The following SLC26A9 variants were observed in gnomAD, a reference collection of about 807,000 sequenced individuals.
The protein encoded by SLC26A9 is solute carrier family 26 member 9, also known as anion transporter/exchanger protein 9.
A neutral mutation model predicts 87.1 loss-of-function variants in SLC26A9; 46 were observed. The observed-to-expected ratio is 0.53, with a 90% CI of 0.42 to 0.67. The LOEUF is 0.67. Among genes scored for constraint, SLC26A9 ranks in the 30% least tolerant of loss-of-function variants. The pLI is 0.00. For missense variants in SLC26A9, 927 were observed against 1,018.3 expected, an observed-to-expected ratio of 0.91 and a Z score of 1.22; for synonymous variants, 437 against 409.1, an observed-to-expected ratio of 1.07 and a Z score of -0.82.
chr1:205,915,718 G>A (rs1658566344), intron 20 of SLC26A9, among the ~76,000 whole-genome samples: 1 of 152,146 alleles, frequency 6.6e-6, no homozygotes, highest in Non-Finnish European at 1.5e-5. Flanking sequence ...TGGGTAAAAT[G>A]AGGGTTGGCA....
chr1:205,926,650 C>T lies in SLC26A9; in HGVS notation c.1294-20G>A, dbSNP rs79133183. 6,839 of 1,607,036 alleles carry T rather than the reference C, an allele frequency of 4.3e-3. 239 individuals carry two copies. The African/African-American group carries it at 0.08, about 19-fold the overall frequency. On this transcript the variant is annotated intron_variant, in intron 11 of 20. Coordinates refer to ENST00000367135, the MANE Select transcript of SLC26A9 (RefSeq NM_052934.4). ...CACAGACTAGAGAAGCAGAACATTGCTCCAGGACCCCAGGGTCTCCCCTTC... is the reference window on the plus strand; with the variant it reads ...CACAGACTAGAGAAGCAGAACATTGTTCCAGGACCCCAGGGTCTCCCCTTC...
At chr1:205,932,913 C>G in intron 3 of SLC26A9, 32 bp downstream of exon 3, 5 of 1,612,318 alleles carry the variant, frequency 3.1e-6, no homozygotes, top group Non-Finnish European at 4.2e-6. Context: ...AGGGGAGTGG[C>G]AATCCAGGCC....
Position 205,927,933 on chromosome 1 carries a change from T to C in SLC26A9, c.1070A>G (p.Asn357Ser), listed in dbSNP as rs1659148302. 6.2e-7 allele frequency: 1 copy of C among 1,614,176 alleles called. No individual in the cohort carries two copies. Reference protein sequence around the residue: ...INLAMGRTLANKHGYDVDSNQ... With the variant: ...INLAMGRTLASKHGYDVDSNQ... ...CGAATCCACGTCGTAGCCGTGCTTG[T>C]TGGCCAGGGTCCGGCCCATAGCCAG... Residue 357 changes from asparagine (N) to serine (S), a missense_variant, in exon 9 of 21, where the codon AAC becomes AGC. Physicochemically the swap from Asn to Ser is conservative, Grantham distance 46. Coordinates refer to ENST00000367135, the MANE Select transcript of SLC26A9 (RefSeq NM_052934.4).
At chr1:205,928,951 G>C (rs1659192738) in intron 7 of SLC26A9, 42 bp from the exon 8 acceptor site, 1 of 1,600,486 alleles carries the variant, frequency 6.2e-7, no homozygotes, top group Admixed American at 1.7e-5. Context: ...GCCCTAAGGT[G>C]GGGCCAGGGC....
At chr1:205,926,689 G>T in intron 11 of SLC26A9, 59 bp from the exon 12 acceptor site, 1 of 1,410,928 alleles carries the variant, frequency 7.1e-7, no homozygotes, top group Non-Finnish European at 1.0e-6. Flanking sequence ...TTGCCCTCCT[G>T]CGCATACCCG....
chr1:205,924,504 A>T lies in SLC26A9; in HGVS notation c.1390-15T>A. The T allele has an allele frequency of 6.2e-7, 1 of 1,613,192 alleles. No individual in the cohort carries two copies. The highest frequency in any genetic ancestry group is 8.5e-7 in the Non-Finnish European group (1 of 1,179,336). On this transcript the variant is annotated splice_polypyrimidine_tract_variant and intron_variant, in intron 12 of 20. Transcript: ENST00000367135. The stretch of plus-strand genomic sequence containing the variant: ...ACCCAGATGCACTGTGAAAAGAGAG[A>T]TGTCAAAAGCAGACCTGGGGAAAAA...
At chr1:205,920,648 C>T (rs1041776016) in intron 17 of SLC26A9, among the ~76,000 whole-genome samples, 10 of 152,162 alleles carry the variant, frequency 6.6e-5, no homozygotes, top group African/African-American at 2.4e-4. Flanking sequence ...TACAGGGGCC[C>T]GTCACCACAC....
At chr1:205,927,375 A>T in intron 10 of SLC26A9, 87 bp from the exon 11 acceptor site, 1 of 1,567,384 alleles carries the variant, frequency 6.4e-7, no homozygotes, top group Non-Finnish European at 8.8e-7. Context: ...GGTGGAGTGG[A>T]GACTAAGACG....
At chr1:205,932,188 T>C (rs1659335834) in intron 4 of SLC26A9, among the ~76,000 whole-genome samples, 153 bp from the exon 5 acceptor site, 1 of 152,264 alleles carries the variant, frequency 6.6e-6, no homozygotes, top group African/African-American at 2.4e-5. Flanking sequence ...CCACTCACTC[T>C]AACCATGATC....
chr1:205,933,276 G>A (rs1456877720), intron 2 of SLC26A9, among the ~76,000 whole-genome samples, 192 bp from the exon 3 acceptor site: 1 of 152,240 alleles, frequency 6.6e-6, no homozygotes, highest in Non-Finnish European at 1.5e-5. Flanking sequence ...CTGGGCATTA[G>A]CTGGAGGTCT....
At position 205,943,169 on chromosome 1, in the gene SLC26A9, G is replaced by A. The variant is rs143426751; in HGVS notation, c.-19+196C>T. Among the ~76,000 whole-genome samples, 698 of 152,310 alleles carry A rather than the reference G, an allele frequency of 4.6e-3. 11 individuals are homozygous for A. The highest frequency in any genetic ancestry group is 0.016 in the African/African-American group (668 of 41,564). On this transcript the variant is annotated intron_variant, in intron 1 of 20. Coordinates refer to ENST00000367135, the MANE Select transcript of SLC26A9 (RefSeq NM_052934.4). ...TTGCAGCCCAGGTCCTTACATAGAC[G>A]TGAAGACCCAAAGGGCTCCTCAGAG...
intron 1 of SLC26A9, among the ~76,000 whole-genome samples, chr1:205,942,254 G>A (rs959272948): frequency 2.6e-5 from 4 of 152,248 alleles, no homozygotes; most frequent in Non-Finnish European, 5.9e-5. Flanking sequence ...GCCTGGGAAG[G>A]CCTTCCTGGC....
chr1:205,933,581 G>T (rs1392924391), intron 2 of SLC26A9, among the ~76,000 whole-genome samples: 8 of 152,170 alleles, frequency 5.3e-5, no homozygotes, highest in Admixed American at 5.2e-4. Context: ...GTTCATCTTT[G>T]TACACCTCGA....
intron 13 of SLC26A9, 114 bp downstream of exon 13, chr1:205,924,269 C>T (rs977433920): frequency 5.2e-6 from 5 of 963,454 alleles, no homozygotes; most frequent in Non-Finnish European, 7.8e-6. Flanking sequence ...CCTCCAGTGC[C>T]AGGCCCAGAG....
At position 205,917,276 on chromosome 1, in the gene SLC26A9, A is replaced by T; in HGVS notation, c.2328+7T>A. 6.2e-7 allele frequency: 1 copy of T among 1,613,710 alleles called. No homozygotes were observed. Among genetic ancestry groups the T allele is most frequent in the Non-Finnish European group, 8.5e-7 (1 of 1,179,902 alleles). On this transcript the variant is annotated splice_region_variant and intron_variant, in intron 20 of 20. Coordinates refer to ENST00000367135, the MANE Select transcript of SLC26A9 (RefSeq NM_052934.4). ...TCCCACCCTCACAGCCCCTTCCCTC[A>T]GCTCACCTGCTCTAAGTCCCAGTAG... is the stretch of plus-strand genomic sequence containing the variant.
intron 13 of SLC26A9, 44 bp downstream of exon 13, chr1:205,924,339 A>T: frequency 2.5e-6 from 4 of 1,589,014 alleles, no homozygotes; most frequent in Non-Finnish European, 3.5e-6. Context: ...GGGCTGGCCC[A>T]GGGAACCGAC....
At chr1:205,919,127 G>A in intron 18 of SLC26A9, 142 bp from the exon 19 acceptor site, 1 of 1,031,580 alleles carries the variant, frequency 9.7e-7, no homozygotes, top group South Asian at 1.5e-5. Context: ...CATGGCATTG[G>A]CAGTGCAATA....
At chr1:205,936,108 T>A (rs1440195178) in intron 1 of SLC26A9, among the ~76,000 whole-genome samples, 1 of 152,098 alleles carries the variant, frequency 6.6e-6, no homozygotes, top group Non-Finnish European at 1.5e-5. Flanking sequence ...ACCTGTGGCG[T>A]CACCATCACC....
In SLC26A9 at chr1:205,927,522, CAG is replaced by C; in HGVS notation, c.1183_1184del (p.Leu395GlyfsTer36). 1 of 1,614,076 alleles carries C rather than the reference CAG, an allele frequency of 6.2e-7. No homozygotes were observed. The highest frequency in any genetic ancestry group is 8.5e-7 in the Non-Finnish European group (1 of 1,180,010). On this transcript the variant is annotated frameshift_variant, in exon 10 of 21. Coordinates refer to ENST00000367135, the MANE Select transcript of SLC26A9 (RefSeq NM_052934.4). LOFTEE classifies it high-confidence loss of function. ...HVICCALSVT[L>X]AVDGAGGKSQ... ...ATTTTCCTCCAGCTCCATCCACAGCCAGAGTGACAGAAAGCGCACAGCAAATG... is the reference window on the plus strand; with the variant it reads ...ATTTTCCTCCAGCTCCATCCACAGCCAGTGACAGAAAGCGCACAGCAAATG...
Sources: allele counts gnomAD v4.1 joint callset (sites outside exome capture counted in the v4.1 genomes callset), GRCh38; gene constraint gnomAD v4.1.1; transcripts MANE v1.5; gene names NCBI Gene and HGNC (gene_info 2026-07-23, HGNC 2026-07-21).